OR2L13: variants seen among roughly 807,000 people sequenced by gnomAD.
The protein encoded by OR2L13 is olfactory receptor 2L13.
A neutral mutation model predicts 15.3 loss-of-function variants in OR2L13; 14 were observed. The observed-to-expected ratio is 0.91, with a 90% CI of 0.60 to 1.43. The LOEUF is 1.43. Ranked by LOEUF, OR2L13 falls within the 40% of genes most tolerant of loss-of-function variation. OR2L13 has a pLI of 0.00. For missense variants in OR2L13, 367 were observed against 387.9 expected (o/e 0.95, Z 0.45); for synonymous variants, 152 against 142.9 (o/e 1.06, Z -0.45).
At chr1:248,042,192 C>T in the OR2L13 span, 179 of 152,130 alleles carry the variant, frequency 1.2e-3, 1 homozygote, top group African/African-American at 4.1e-3. Context: ...ATGATGAGTT[C>T]ATGTCCTTTG....
chr1:247,993,813 A>G, the OR2L13 span, among the ~76,000 whole-genome samples: 13,306 of 68,736 alleles, frequency 0.19, 461 homozygotes, highest in African/African-American at 0.24. Flanking sequence ...GAGAGAGAGA[A>G]AGAAAGAGAA....
the OR2L13 span, among the ~76,000 whole-genome samples, chr1:248,048,414 T>C: frequency 8.5e-5 from 13 of 152,194 alleles, no homozygotes; most frequent in South Asian, 2.1e-4. Flanking sequence ...GGAGAATCTA[T>C]TGTGGAGGAA....
the OR2L13 span, chr1:248,060,811 A>C: frequency 6.2e-7 from 1 of 1,614,024 alleles, no homozygotes. Flanking sequence ...AAACCTATCC[A>C]TGATTCTTCT....
the OR2L13 span, among the ~76,000 whole-genome samples, chr1:248,089,597 T>C: frequency 2.0e-5 from 3 of 152,284 alleles, no homozygotes; most frequent in East Asian, 5.8e-4. Context: ...AAGATAATTA[T>C]AGCCTAATGC....
chr1:247,961,834 C>T, the OR2L13 span, among the ~76,000 whole-genome samples: 1 of 152,216 alleles, frequency 6.6e-6, no homozygotes, highest in African/African-American at 2.4e-5. Context: ...CTCAGTATTA[C>T]ACACTTTGGC....
At chr1:248,001,787 C>A in the OR2L13 span, among the ~76,000 whole-genome samples, 15 of 152,006 alleles carry the variant, frequency 9.9e-5, no homozygotes, top group African/African-American at 3.4e-4. Flanking sequence ...GATACATTGG[C>A]AGTCCTAAAA....
chr1:248,096,171 G>A (rs1241451735), upstream of OR2L13, among the ~76,000 whole-genome samples: 1 of 151,886 alleles, frequency 6.6e-6, no homozygotes, highest in African/African-American at 2.4e-5. Context: ...GAGGTCAGGA[G>A]ATCGAGACCA....
At chr1:248,014,191 A>G in the OR2L13 span, among the ~76,000 whole-genome samples, 1 of 152,040 alleles carries the variant, frequency 6.6e-6, no homozygotes, top group African/African-American at 2.4e-5. Flanking sequence ...CTTACTTGCT[A>G]TTTCACCTCA....
chr1:248,038,756 C>G, the OR2L13 span: 37 of 1,614,130 alleles, frequency 2.3e-5, no homozygotes, highest in African/African-American at 4.4e-4. Flanking sequence ...TATATGCACT[C>G]TGTATCCCAT....
the OR2L13 span, among the ~76,000 whole-genome samples, chr1:248,046,309 C>T: frequency 6.6e-6 from 1 of 152,046 alleles, no homozygotes; most frequent in Non-Finnish European, 1.5e-5. Flanking sequence ...TTAATAATTT[C>T]TACTTATGTG....
chr1:247,954,881 A>C, the OR2L13 span, among the ~76,000 whole-genome samples: 2 of 151,878 alleles, frequency 1.3e-5, no homozygotes, highest in African/African-American at 4.8e-5. Flanking sequence ...TATACAGTAC[A>C]ACTTCTATTT....
chr1:247,960,614 T>A, the OR2L13 span, among the ~76,000 whole-genome samples: 121,393 of 152,022 alleles, frequency 0.8, 52,650 homozygotes, highest in South Asian at 0.95. Context: ...GGCTGCTTTT[T>A]TTTACCTACT....
At chr1:248,069,699 G>A in the OR2L13 span, among the ~76,000 whole-genome samples, 2 of 152,050 alleles carry the variant, frequency 1.3e-5, no homozygotes, top group Admixed American at 6.6e-5. Flanking sequence ...AAAGAGTCAA[G>A]ACCCATCAGT....
At chr1:247,962,110 G>T in the OR2L13 span, among the ~76,000 whole-genome samples, 1 of 152,158 alleles carries the variant, frequency 6.6e-6, no homozygotes, top group African/African-American at 2.4e-5. Context: ...GAAAGTCTAA[G>T]AAATATGTAA....
the OR2L13 span, among the ~76,000 whole-genome samples, chr1:248,065,856 G>C: frequency 4.6e-5 from 7 of 151,848 alleles, no homozygotes; most frequent in Admixed American, 1.3e-4. Context: ...AGAAATTTTG[G>C]TTAACATTGG....
At chr1:248,090,596 G>A (rs1341636391), upstream of OR2L13, among the ~76,000 whole-genome samples, 4 of 152,142 alleles carry the variant, frequency 2.6e-5, no homozygotes, top group East Asian at 7.7e-4. Context: ...CTTCATCCAT[G>A]TTGCTGCAAA....
the OR2L13 span, chr1:247,949,487 C>T: frequency 1.9e-6 from 3 of 1,612,394 alleles, no homozygotes; most frequent in Non-Finnish European, 2.5e-6. Context: ...TGTTTCCCTT[C>T]ATTGGTATTT....
the OR2L13 span, chr1:247,975,346 A>G: frequency 3.6e-6 from 2 of 553,174 alleles, no homozygotes; most frequent in Admixed American, 2.4e-5. Context: ...TCTCATGTTT[A>G]CCTTTATTGG....
the OR2L13 span, among the ~76,000 whole-genome samples, chr1:248,056,672 C>CTTT: frequency 1.3e-3 from 176 of 135,072 alleles, 1 homozygote; most frequent in African/African-American, 4.7e-3. Context: ...TTTGAGGGGG[C>CTTT]TTTTTTTTTT....
Sources: gnomAD v4.1 joint callset for allele counts (sites outside exome capture counted in the v4.1 genomes callset) on GRCh38, gnomAD v4.1.1 for gene constraint, MANE v1.5 for transcripts, NCBI Gene and HGNC (gene_info 2026-07-23, HGNC 2026-07-21) for gene names.